Variants in AKAP13 observed in about 807,000 individuals in gnomAD.
AKAP13 encodes A-kinase anchor protein 13.
A neutral mutation model predicts 264.5 loss-of-function variants in AKAP13; 80 were observed. The ratio of observed to expected loss-of-function variants is 0.30; its 90% confidence interval spans 0.25 to 0.36. The LOEUF (loss-of-function observed/expected upper bound fraction) is 0.36. Ranked by LOEUF, AKAP13 falls within the 10% of genes least tolerant of loss-of-function variation. The pLI is 1.00. For synonymous variants in AKAP13, 1,380 were observed against 1,250.2 expected (o/e 1.10, Z -2.19); for missense variants, 3,712 against 3,435.2 (o/e 1.08, Z -2.01).
rs752520766 is a variant in AKAP13, at chr15:85,575,203, G to T, written c.735G>T (p.Arg245Ser). The change falls in exon 6 of 37, where the codon AGG becomes AGT. Residue 245 changes from arginine to serine, a missense_variant. Coordinates refer to ENST00000394518, the MANE Select transcript of AKAP13 (RefSeq NM_007200.5). The part of the protein sequence containing the change: ...YEIPYGDCSV[R>S]HHRELDIYTL... The stretch of plus-strand genomic sequence containing the variant: ...TACCGTATGGAGACTGTTCTGTGAG[G>T]CATCATCGAGAGTTGGACATCTATA... The T allele has an allele frequency of 3.7e-6, 6 of 1,614,108 alleles. No individual in the cohort carries two copies. The highest frequency in any genetic ancestry group is 1.6e-4 in the Middle Eastern group (1 of 6,062).
At chr15:85,433,596 C>T (rs1375504295) in intron 1 of AKAP13, among the ~76,000 whole-genome samples, 3 of 151,990 alleles carry the variant, frequency 2.0e-5, no homozygotes, top group Non-Finnish European at 4.4e-5. Context: ...CTGATCATCC[C>T]TTCTTGGTAT....
chr15:85,580,073 C>A lies in AKAP13; in HGVS notation c.2005C>A (p.Gln669Lys), dbSNP rs1475837832. 1 of 1,614,200 alleles carries A rather than the reference C, an allele frequency of 6.2e-7. No homozygotes were observed. Among genetic ancestry groups the A allele is most frequent in the South Asian group, 1.1e-5 (1 of 91,088 alleles). The stretch of plus-strand genomic sequence containing the variant: ...ACTTTGTGCAGACTCTGCATGTCAA[C>A]AGAACACAGTGACTTCTAGTGGCGA... ...DKLCADSACQ[Q>K]NTVTSSGDLV... The change falls in exon 7 of 37, where the codon CAG (glutamine) becomes AAG (lysine). Residue 669 changes from glutamine to lysine, a missense_variant. Around this residue, in one of 3 missense-constraint regions of AKAP13, gnomAD observed 2,759 missense variants for 2,411.7 expected, o/e 1.14. Coordinates refer to ENST00000394518, the MANE Select transcript of AKAP13 (RefSeq NM_007200.5).
Position 85,581,536 on chromosome 15 carries a change from T to A in AKAP13, c.3468T>A (p.Asp1156Glu). Reference sequence around the variant, plus strand: ...GAACCCCAGAGATGATACCTCTTGATTGGGAGAAAGGGAAGCTGGAGGGAG... The same window carrying A: ...GAACCCCAGAGATGATACCTCTTGAATGGGAGAAAGGGAAGCTGGAGGGAG... ...GVGTPEMIPL[D>E]WEKGKLEGAD... Residue 1156 changes from aspartate (D) to glutamate (E), a missense_variant, in exon 7 of 37, where the codon GAT (aspartate) becomes GAA (glutamate). Physicochemically the swap from Asp to Glu is conservative, Grantham distance 45. This residue lies in a region of AKAP13 where 2,759 missense variants were observed against 2,411.7 expected (regional missense o/e 1.14). Transcript: ENST00000394518. 1 of 1,613,966 alleles carries A rather than the reference T, an allele frequency of 6.2e-7. No individual in the cohort carries two copies. The highest frequency in any genetic ancestry group is 8.5e-7 in the Non-Finnish European group (1 of 1,179,974).
intron 2 of AKAP13, among the ~76,000 whole-genome samples, chr15:85,502,779 G>A (rs74477097): frequency 7.2e-5 from 11 of 152,138 alleles, no homozygotes; most frequent in African/African-American, 9.7e-5. Flanking sequence ...CTGGTTTACC[G>A]TTAAAATTAA....
intron 33 of AKAP13, among the ~76,000 whole-genome samples, chr15:85,736,912 C>CTTTTTTTTTTTTTTTTTTTTTTTTT (rs11407996): frequency 1.0e-5 from 1 of 98,044 alleles, no homozygotes. Context: ...ATATCATCAT[C>CTTTTTTTTTTTTTTTTTTTTTTTTT]TTTTTTTTTT....
chr15:85,544,071 C>T (rs1378920440), intron 5 of AKAP13, 116 bp downstream of exon 5: 1 of 1,267,886 alleles, frequency 7.9e-7, no homozygotes, highest in Non-Finnish European at 1.1e-6. Context: ...AAAACCTCAG[C>T]TCTGTATCTT....
At position 85,399,795 on chromosome 15, in the gene AKAP13, A is replaced by G. The variant is rs577140868; in HGVS notation, c.-12+18997A>G. Among the ~76,000 whole-genome samples, 24 of 152,224 alleles carry G rather than the reference A, an allele frequency of 1.6e-4. No individual in the cohort carries two copies. The South Asian group carries it at 4.8e-3, about 30-fold the overall frequency. ...TTGGCTTGTTCTTAGTTGTCGGTTC[A>G]GATTAACTCCAGCAATAAAACAGGG... On this transcript the variant is annotated intron_variant, in intron 1 of 36. Transcript: ENST00000394518.
In AKAP13 at chr15:85,581,323, A is replaced by C. The variant is rs752256671; in HGVS notation, c.3255A>C (p.Gly1085=). The C allele has an allele frequency of 6.2e-7, 1 of 1,614,100 alleles. No individual in the cohort carries two copies. Among genetic ancestry groups the C allele is most frequent in the African/African-American group, 1.3e-5 (1 of 74,938 alleles). Residue 1085 remains glycine (G), a synonymous_variant, in exon 7 of 37, where the codon GGA becomes GGC. Coordinates refer to ENST00000394518, the MANE Select transcript of AKAP13 (RefSeq NM_007200.5). ...QGKTSACEVS[G]DVTVDVTGVN... The stretch of plus-strand genomic sequence containing the variant: ...AAACTAGTGCCTGTGAGGTGAGTGG[A>C]GATGTGACGGTGGATGTTACAGGGG...
chr15:85,480,713 G>T (rs1192454724), intron 1 of AKAP13, among the ~76,000 whole-genome samples: 1 of 152,000 alleles, frequency 6.6e-6, no homozygotes, highest in East Asian at 1.9e-4. Context: ...TTGAGACAGA[G>T]TTTCTCTCTT....
chr15:85,382,428 G>A (rs540766660), intron 1 of AKAP13, among the ~76,000 whole-genome samples: 1 of 152,204 alleles, frequency 6.6e-6, no homozygotes, highest in African/African-American at 2.4e-5. Flanking sequence ...TTACAGAGCC[G>A]CTTTTAGGAT....
At chr15:85,570,445 C>A (rs1170096459) in intron 5 of AKAP13, among the ~76,000 whole-genome samples, 4 of 152,154 alleles carry the variant, frequency 2.6e-5, no homozygotes, top group Non-Finnish European at 4.4e-5. Flanking sequence ...GAACGAGACT[C>A]TGTCTCAAAA....
chr15:85,582,197 T>C (rs557443182), intron 7 of AKAP13, 90 bp downstream of exon 7: 581 of 1,413,864 alleles, frequency 4.1e-4, no homozygotes, highest in Non-Finnish European at 5.2e-4. Flanking sequence ...TAGGCATCTT[T>C]GTTGTTTTGA....
At chr15:85,601,314 A>G (rs1287409845) in intron 8 of AKAP13, among the ~76,000 whole-genome samples, 2 of 152,126 alleles carry the variant, frequency 1.3e-5, no homozygotes, top group Non-Finnish European at 2.9e-5. Context: ...TCTTTTCCTA[A>G]ATAATTTTAT....
chr15:85,645,468 G>T (rs383872), intron 9 of AKAP13, among the ~76,000 whole-genome samples: 111,831 of 152,092 alleles, frequency 0.74, 41,682 homozygotes, highest in African/African-American at 0.87. Context: ...GAAAAAAAAT[G>T]CCCTCACTAC....
rs1293093179 is a variant in AKAP13 at position 85,435,829 on chromosome 15, A to G, written c.-11-49881A>G. ...CTCCTGAAGGAAGCGCTAAACGTGG[A>G]AAGGAACAACTGGTACCAGCCGCTG... On this transcript the variant is annotated intron_variant, in intron 1 of 36. Coordinates refer to ENST00000394518, the MANE Select transcript of AKAP13 (RefSeq NM_007200.5). 4.0e-5 allele frequency among the ~76,000 whole-genome samples: 6 copies of G among 150,440 alleles called. 1 individual carries two copies. The East Asian group carries it at 1.2e-3, about 29-fold the overall frequency.
intron 16 of AKAP13, among the ~76,000 whole-genome samples, chr15:85,692,190 C>T (rs190784360): frequency 2.6e-5 from 4 of 152,278 alleles, no homozygotes; most frequent in African/African-American, 7.2e-5. Flanking sequence ...AACTTCCTTT[C>T]CCTTACTGCA....
intron 1 of AKAP13, among the ~76,000 whole-genome samples, chr15:85,437,390 C>T (rs1408610480): frequency 3.3e-5 from 5 of 152,148 alleles, no homozygotes; most frequent in East Asian, 1.9e-4. Flanking sequence ...CTACCAGAGA[C>T]ACAAGGAGGA....
At chr15:85,440,871 TTTTAAAAAA>T (rs1202921210) in intron 1 of AKAP13, among the ~76,000 whole-genome samples, 1 of 152,180 alleles carries the variant, frequency 6.6e-6, no homozygotes, top group Non-Finnish European at 1.5e-5. Flanking sequence ...TGGTGGAAAT[TTTTAAAAAA>T]ATTCTGCAGT....
At chr15:85,705,793 T>G (rs1048557242) in intron 17 of AKAP13, among the ~76,000 whole-genome samples, 1 of 152,172 alleles carries the variant, frequency 6.6e-6, no homozygotes, top group Non-Finnish European at 1.5e-5. Context: ...TTTGTTTCCC[T>G]GCCCCATGCA....
Sources: gnomAD v4.1 joint callset for allele counts (sites outside exome capture counted in the v4.1 genomes callset) on GRCh38, gnomAD v4.1.1 for gene constraint, gnomAD v4.1.1 regional missense constraint, MANE v1.5 for transcripts, NCBI Gene and HGNC (gene_info 2026-07-23, HGNC 2026-07-21) for gene names.